BOD1L2: variants seen among roughly 807,000 people sequenced by gnomAD.
BOD1L2 encodes the protein biorientation of chromosomes in cell division 1 like 2.
In BOD1L2, 6 loss-of-function variants were observed where a neutral mutation model predicts 5.3. The ratio of observed to expected loss-of-function variants is 1.14; its 90% CI spans 0.62 to 2.25. The LOEUF (loss-of-function observed/expected upper bound fraction) is 2.25, where lower values mean the gene tolerates loss of function less well. Among genes scored for constraint, BOD1L2 ranks in the 30% most tolerant of loss-of-function variants. The pLI, the probability that BOD1L2 is intolerant of heterozygous loss-of-function variation, is 0.00. For synonymous variants in BOD1L2, 96 were observed against 96.3 expected (o/e 1.00, Z 0.02); for missense variants, 210 against 227.2 (o/e 0.92, Z 0.49).
chr18:57,147,384 CCCCATCAACCCGGCCTCGTTG>C lies in BOD1L2; in HGVS notation c.76_96del (p.Ile26_Pro32del). Reference sequence around the variant, plus strand: ...CGACCCGGGCCAGCGGGGGCGGCGGCCCCATCAACCCGGCCTCGTTGCCCCCTGGCGACCCTCAGCTCATCG... The same window carrying C: ...CGACCCGGGCCAGCGGGGGCGGCGGCCCCCCTGGCGACCCTCAGCTCATCG... On this transcript the variant is annotated inframe_deletion, in exon 1 of 1. Coordinates refer to ENST00000585477, the MANE Select transcript of BOD1L2 (RefSeq NM_001257964.2). The C allele has an allele frequency of 6.5e-7, 1 of 1,528,122 alleles. No individual in the cohort carries two copies. Among genetic ancestry groups the C allele is most frequent in the Non-Finnish European group, 8.8e-7 (1 of 1,142,026 alleles). 94.7% of individuals were successfully genotyped at this position (1,528,122 alleles called of 1,614,324 possible).
chr18:57,150,248 T>C lies in BOD1L2; in HGVS notation c.*2417T>C, dbSNP rs2048947789. 2 of 152,202 alleles carry C rather than the reference T, an allele frequency of 1.3e-5. No homozygotes were observed. Among genetic ancestry groups the C allele is most frequent in the South Asian group, 2.1e-4 (1 of 4,830 alleles). 9.4% of individuals were successfully genotyped at this position (152,202 alleles called of 1,614,324 possible). On this transcript the variant is annotated 3_prime_UTR_variant, in exon 1 of 1. Transcript: ENST00000585477. Reference sequence around the variant, plus strand: ...AAATGGAAAATGCTAACCTATGCGATGGACACTGCTGTATTCTGAAAATGA... The same window carrying C: ...AAATGGAAAATGCTAACCTATGCGACGGACACTGCTGTATTCTGAAAATGA...
At position 57,149,779 on chromosome 18, in the gene BOD1L2, A is replaced by G. The variant is rs1404480982; in HGVS notation, c.*1948A>G. 6.6e-6 allele frequency: 1 copy of G among 152,224 alleles called. No individual in the cohort carries two copies. The highest frequency in any genetic ancestry group is 1.5e-5 in the Non-Finnish European group (1 of 68,046). 9.4% of individuals were successfully genotyped at this position (152,224 alleles called of 1,614,324 possible). A position where few individuals can be genotyped will look rare whatever the true frequency, so the allele number is the denominator to read the frequency against. On this transcript the variant is annotated 3_prime_UTR_variant, in exon 1 of 1. Transcript: ENST00000585477. ...CAGCTAAGCTCTTTCTGAGATTTAA[A>G]ATCACTCCATCTGAGACCCCAGCTT... is the stretch of plus-strand genomic sequence containing the variant.
At position 57,147,387 on chromosome 18, in the gene BOD1L2, C is replaced by T; in HGVS notation, c.75C>T (p.Pro25=). The change falls in exon 1 of 1, where the codon CCC becomes CCT. Residue 25 remains proline, a synonymous_variant. Coordinates refer to ENST00000585477, the MANE Select transcript of BOD1L2 (RefSeq NM_001257964.2). The part of the protein sequence containing the change: ...ASTRASGGGG[P]INPASLPPGD... ...CCCGGGCCAGCGGGGGCGGCGGCCC[C>T]ATCAACCCGGCCTCGTTGCCCCCTG... The T allele has an allele frequency of 6.5e-7, 1 of 1,531,506 alleles. No homozygotes were observed. The highest frequency in any genetic ancestry group is 8.7e-7 in the Non-Finnish European group (1 of 1,143,666). The allele number at this position is 1,531,506 out of a possible 1,614,324, so 94.9% of individuals were successfully genotyped here. A position where few individuals can be genotyped will look rare whatever the true frequency, so the allele number is the denominator to read the frequency against.
In BOD1L2 at chr18:57,147,180, C is replaced by T. The variant is rs1257485014; in HGVS notation, c.-133C>T. ...CCACCGGCCCCGCCGCCATCACCAC[C>T]ACCGTCACCTCCGCCGCTGCCTCCT... is the stretch of plus-strand genomic sequence containing the variant. On this transcript the variant is annotated 5_prime_UTR_variant, in exon 1 of 1. Transcript: ENST00000585477. 1.9e-6 allele frequency: 2 copies of T among 1,044,618 alleles called. No homozygotes were observed. Among genetic ancestry groups the T allele is most frequent in the Non-Finnish European group, 1.2e-6 (1 of 862,176 alleles). 64.7% of individuals were successfully genotyped at this position (1,044,618 alleles called of 1,614,324 possible). A position where few individuals can be genotyped will look rare whatever the true frequency, so the allele number is the denominator to read the frequency against.
Position 57,149,439 on chromosome 18 carries a change from A to G in BOD1L2, c.*1608A>G, listed in dbSNP as rs2048944345. The G allele has an allele frequency of 6.6e-6, 1 of 152,204 alleles. No individual in the cohort carries two copies. Among genetic ancestry groups the G allele is most frequent in the East Asian group, 1.9e-4 (1 of 5,198 alleles). 9.4% of individuals were successfully genotyped at this position (152,204 alleles called of 1,614,324 possible). On this transcript the variant is annotated 3_prime_UTR_variant, in exon 1 of 1. Coordinates refer to ENST00000585477, the MANE Select transcript of BOD1L2 (RefSeq NM_001257964.2). ...AAAAGTGAACAAAAATTAATTTTGC[A>G]TCTAGTGTCTACATGTCTAAGCAAG...
chr18:57,148,415 C>T lies in BOD1L2; in HGVS notation c.*584C>T, dbSNP rs2048938871. ...CTTTCCTTTGTAAGAGATAACAAAG[C>T]ATGAAACCCTAGAATGAGTGAGAAG... On this transcript the variant is annotated 3_prime_UTR_variant, in exon 1 of 1. Coordinates refer to ENST00000585477, the MANE Select transcript of BOD1L2 (RefSeq NM_001257964.2). The T allele has an allele frequency of 2.0e-5, 3 of 152,932 alleles. No individual in the cohort carries two copies. Among genetic ancestry groups the T allele is most frequent in the South Asian group, 4.1e-4 (2 of 4,858 alleles). 9.5% of individuals were successfully genotyped at this position (152,932 alleles called of 1,614,324 possible).
Position 57,147,308 on chromosome 18 carries a change from C to G in BOD1L2, c.-5C>G. On this transcript the variant is annotated 5_prime_UTR_variant, in exon 1 of 1. Transcript: ENST00000585477. ...TCGGTTTCCTTGTGGGCCCGGTGCG[C>G]AGCCATGGCGGACGGTGGCGGCGGC... is the stretch of plus-strand genomic sequence containing the variant. 8.5e-7 allele frequency: 1 copy of G among 1,170,706 alleles called. No homozygotes were observed. The highest frequency in any genetic ancestry group is 3.5e-5 in the South Asian group (1 of 28,960). The allele number at this position is 1,170,706 out of a possible 1,614,324, so 72.5% of individuals were successfully genotyped here.
In BOD1L2 at chr18:57,147,699, C is replaced by A; in HGVS notation, c.387C>A (p.Asn129Lys). 2 of 1,613,750 alleles carry A rather than the reference C, an allele frequency of 1.2e-6. No individual in the cohort carries two copies. Among genetic ancestry groups the A allele is most frequent in the Non-Finnish European group, 1.7e-6 (2 of 1,180,034 alleles). The change falls in exon 1 of 1, where the codon AAC becomes AAA. Residue 129 changes from asparagine (N) to lysine (K), a missense_variant. Transcript: ENST00000585477. ...ISSQVVDPKLNHIFRPQIEQI... is the reference protein window; with the variant it reads ...ISSQVVDPKLKHIFRPQIEQI... ...CTCAGGTGGTGGATCCAAAACTAAA[C>A]CACATCTTCAGGCCACAAATAGAAC...
rs750367469 is a variant in BOD1L2, at chr18:57,147,481, C to T, written c.169C>T (p.Arg57Trp). Residue 57 changes from arginine to tryptophan, a missense_variant, in exon 1 of 1, where the codon CGG becomes TGG. By Grantham distance (101) the Arg-to-Trp change is moderately radical. Transcript: ENST00000585477. ...CAGGGGCCTTTTTGACAGCTTCCGC[C>T]GGGACTGCAAGGCTGACGTGGACAC... ...KSRGLFDSFR[R>W]DCKADVDTKP... 7.4e-5 allele frequency: 117 copies of T among 1,571,404 alleles called. No homozygotes were observed. The highest frequency in any genetic ancestry group is 9.3e-5 in the Non-Finnish European group (108 of 1,160,520).
Position 57,147,373 on chromosome 18 carries a change from G to A in BOD1L2, c.61G>A (p.Gly21Arg), listed in dbSNP as rs1351248692. 1.3e-6 allele frequency: 2 copies of A among 1,514,580 alleles called. No homozygotes were observed. The highest frequency in any genetic ancestry group is 2.5e-5 in the South Asian group (2 of 80,788). The allele number at this position is 1,514,580 out of a possible 1,614,324, so 93.8% of individuals were successfully genotyped here. ...GAGPASTRASGGGGPINPASL... is the reference protein window; with the variant it reads ...GAGPASTRASRGGGPINPASL... ...GGGCCCGGCCTCGACCCGGGCCAGC[G>A]GGGGCGGCGGCCCCATCAACCCGGC... The change falls in exon 1 of 1, where the codon GGG (glycine) becomes AGG (arginine). Residue 21 changes from glycine (G) to arginine (R), a missense_variant. Transcript: ENST00000585477.
At position 57,149,644 on chromosome 18, in the gene BOD1L2, G is replaced by A. The variant is rs2048945208; in HGVS notation, c.*1813G>A. 6.6e-6 allele frequency: 1 copy of A among 152,162 alleles called. No homozygotes were observed. The highest frequency in any genetic ancestry group is 1.5e-5 in the Non-Finnish European group (1 of 68,038). The allele number at this position is 152,162 out of a possible 1,614,324, so 9.4% of individuals were successfully genotyped here. On this transcript the variant is annotated 3_prime_UTR_variant, in exon 1 of 1. Coordinates refer to ENST00000585477, the MANE Select transcript of BOD1L2 (RefSeq NM_001257964.2). The stretch of plus-strand genomic sequence containing the variant: ...TTAGCTTCTGAATATGAACAACCCA[G>A]CTCTTTAAAGTTTAATGTCCCAGCC...
At position 57,147,452 on chromosome 18, in the gene BOD1L2, A is replaced by G; in HGVS notation, c.140A>G (p.Lys47Arg). 6.4e-7 allele frequency: 1 copy of G among 1,550,476 alleles called. No homozygotes were observed. The highest frequency in any genetic ancestry group is 1.2e-5 in the South Asian group (1 of 84,908). ...QLIAIIVGQL[K>R]SRGLFDSFRR... Reference sequence around the variant, plus strand: ...ATCGCTATCATCGTGGGGCAGCTCAAGAGCAGGGGCCTTTTTGACAGCTTC... The same window carrying G: ...ATCGCTATCATCGTGGGGCAGCTCAGGAGCAGGGGCCTTTTTGACAGCTTC... The change falls in exon 1 of 1, where the codon AAG becomes AGG. Residue 47 changes from lysine (K) to arginine (R), a missense_variant. Coordinates refer to ENST00000585477, the MANE Select transcript of BOD1L2 (RefSeq NM_001257964.2).
Position 57,147,519 on chromosome 18 carries a change from C to T in BOD1L2, c.207C>T (p.Tyr69=), listed in dbSNP as rs1201456286. The T allele has an allele frequency of 6.2e-7, 1 of 1,601,446 alleles. No homozygotes were observed. The highest frequency in any genetic ancestry group is 8.5e-7 in the Non-Finnish European group (1 of 1,174,244). ...CKADVDTKPA[Y]QNLSQKADNF... is the part of the protein sequence containing the mutation. ...CTGACGTGGACACCAAGCCAGCTTA[C>T]CAAAACCTGAGCCAGAAAGCGGATA... The change falls in exon 1 of 1, where the codon TAC becomes TAT. Residue 69 remains tyrosine, a synonymous_variant. Coordinates refer to ENST00000585477, the MANE Select transcript of BOD1L2 (RefSeq NM_001257964.2).
At position 57,149,934 on chromosome 18, in the gene BOD1L2, C is replaced by G. The variant is rs1467959758; in HGVS notation, c.*2103C>G. The G allele has an allele frequency of 1.3e-5, 2 of 151,932 alleles. No individual in the cohort carries two copies. Among genetic ancestry groups the G allele is most frequent in the East Asian group, 3.9e-4 (2 of 5,186 alleles). 9.4% of individuals were successfully genotyped at this position (151,932 alleles called of 1,614,324 possible). A position where few individuals can be genotyped will look rare whatever the true frequency, so the allele number is the denominator to read the frequency against. On this transcript the variant is annotated 3_prime_UTR_variant, in exon 1 of 1. Transcript: ENST00000585477. ...AAAAATAACGTAATAAAGTGTAATACAACTTTTAAAGTTTTTTTTTTCCTT... is the reference window on the plus strand; with the variant it reads ...AAAAATAACGTAATAAAGTGTAATAGAACTTTTAAAGTTTTTTTTTTCCTT...
Position 57,147,663 on chromosome 18 carries a change from C to T in BOD1L2, c.351C>T (p.Asp117=). 12 of 1,613,442 alleles carry T rather than the reference C, an allele frequency of 7.4e-6. No individual in the cohort carries two copies. Among genetic ancestry groups the T allele is most frequent in the Non-Finnish European group, 1.0e-5 (12 of 1,180,032 alleles). ...CAGGGAGGTCAGAAGCTGGAGTGGACAGGATTAGTTCTCAGGTGGTGGATC... is the reference window on the plus strand; with the variant it reads ...CAGGGAGGTCAGAAGCTGGAGTGGATAGGATTAGTTCTCAGGTGGTGGATC... ...VQSGRSEAGV[D]RISSQVVDPK... is the part of the protein sequence containing the mutation. Residue 117 remains aspartate (D), a synonymous_variant, in exon 1 of 1, where the codon GAC becomes GAT. Transcript: ENST00000585477.
rs2048925140 is a variant in BOD1L2, at chr18:57,147,202, T to C, written c.-111T>C. On this transcript the variant is annotated 5_prime_UTR_variant, in exon 1 of 1. Transcript: ENST00000585477. ...CACCACCGTCACCTCCGCCGCTGCC[T>C]CCTTGGGGCCCTCCTCCTTCACCGC... The C allele has an allele frequency of 9.4e-7, 1 of 1,064,992 alleles. No homozygotes were observed. The highest frequency in any genetic ancestry group is 1.1e-6 in the Non-Finnish European group (1 of 879,330). The allele number at this position is 1,064,992 out of a possible 1,614,324, so 66.0% of individuals were successfully genotyped here.
chr18:57,149,699 G>C lies in BOD1L2; in HGVS notation c.*1868G>C, dbSNP rs1386928852. On this transcript the variant is annotated 3_prime_UTR_variant, in exon 1 of 1. Transcript: ENST00000585477. ...TAATTGTTTCTTTCGAAGTACAAAA[G>C]AGCAGCTGGGCCACATCGGCACTAA... 1 of 152,186 alleles carries C rather than the reference G, an allele frequency of 6.6e-6. No individual in the cohort carries two copies. Among genetic ancestry groups the C allele is most frequent in the Non-Finnish European group, 1.5e-5 (1 of 68,024 alleles). The allele number at this position is 152,186 out of a possible 1,614,324, so 9.4% of individuals were successfully genotyped here.
rs765005046 is a variant in BOD1L2, at chr18:57,147,679, G to T, written c.367G>T (p.Val123Leu). 6.2e-7 allele frequency: 1 copy of T among 1,612,954 alleles called. No homozygotes were observed. Residue 123 changes from valine (V) to leucine (L), a missense_variant, in exon 1 of 1, where the codon GTG becomes TTG. Val to Leu is a conservative substitution (Grantham distance 32, BLOSUM62 1). Transcript: ENST00000585477. ...EAGVDRISSQ[V>L]VDPKLNHIFR... ...TGGAGTGGACAGGATTAGTTCTCAG[G>T]TGGTGGATCCAAAACTAAACCACAT...
rs2048931601 is a variant in BOD1L2, at chr18:57,147,642, G to A, written c.330G>A (p.Gly110=). 1.9e-6 allele frequency: 3 copies of A among 1,613,282 alleles called. No homozygotes were observed. Among genetic ancestry groups the A allele is most frequent in the African/African-American group, 1.3e-5 (1 of 74,924 alleles). The change falls in exon 1 of 1, where the codon GGG becomes GGA. Residue 110 remains glycine (G), a synonymous_variant. Coordinates refer to ENST00000585477, the MANE Select transcript of BOD1L2 (RefSeq NM_001257964.2). ...DGLRQSVVQS[G]RSEAGVDRIS... ...TGAGGCAGAGTGTGGTTCAGTCAGG[G>A]AGGTCAGAAGCTGGAGTGGACAGGA...
Sources: gnomAD v4.1 joint callset for allele counts on GRCh38, gnomAD v4.1.1 for gene constraint, MANE v1.5 for transcripts, NCBI Gene and HGNC (gene_info 2026-07-23, HGNC 2026-07-21) for gene names.